BOD1L1: variants seen among roughly 807,000 people sequenced by gnomAD.
The protein encoded by BOD1L1 is biorientation of chromosomes in cell division protein 1-like 1.
A neutral mutation model predicts 240.7 loss-of-function variants in BOD1L1; 86 were observed. The observed-to-expected ratio is 0.36, with a 90% CI of 0.30 to 0.43. BOD1L1 has a LOEUF of 0.43. Ranked by LOEUF, BOD1L1 falls within the 20% of genes least tolerant of loss-of-function variation. BOD1L1 has a pLI of 1.00. For missense variants in BOD1L1, 3,554 were observed against 3,643.5 expected (o/e 0.98, Z 0.63); for synonymous variants, 1,268 against 1,272.3 (o/e 1.00, Z 0.07).
intron 22 of BOD1L1, among the ~76,000 whole-genome samples, chr4:13,578,927 G>T (rs1322575618): frequency 6.6e-6 from 1 of 152,132 alleles, no homozygotes; most frequent in African/African-American, 2.4e-5. Flanking sequence ...TTATGCATTT[G>T]CTTTCTGCAG....
chr4:13,572,206 C>G (rs1369921601), intron 25 of BOD1L1, among the ~76,000 whole-genome samples: 1 of 152,124 alleles, frequency 6.6e-6, no homozygotes, highest in Admixed American at 6.5e-5. Flanking sequence ...ATCTGACTTA[C>G]TAGGGGTGCT....
At chr4:13,580,940 C>T (rs546072093) in intron 21 of BOD1L1, 80 bp downstream of exon 21, 3 of 1,323,560 alleles carry the variant, frequency 2.3e-6, no homozygotes, top group Admixed American at 2.8e-5. Context: ...AAATAAAGTT[C>T]AAAATACTAG....
chr4:13,594,747 T>C (rs1714487634), intron 12 of BOD1L1, among the ~76,000 whole-genome samples: 1 of 151,950 alleles, frequency 6.6e-6, no homozygotes, highest in Non-Finnish European at 1.5e-5. Flanking sequence ...ATACAAAAAT[T>C]AGCTGGGCAT....
rs576230060 is a variant in BOD1L1, at chr4:13,573,262, A to C, written c.9039-3134T>G. Among the ~76,000 whole-genome samples the C allele has an allele frequency of 3.3e-5, 5 of 152,252 alleles. No homozygotes were observed. The South Asian group carries it at 1.0e-3, about 32-fold the overall frequency. On this transcript the variant is annotated intron_variant, in intron 25 of 25. Transcript: ENST00000040738. ...GATAAGGAATTCTGATTCCAGTAAA[A>C]ACTCTGAAAAAGGAACTTGTTTAGC...
At position 13,621,934 on chromosome 4, in the gene BOD1L1, G is replaced by A. The variant is rs973383273; in HGVS notation, c.244-1867C>T. 2.1e-5 allele frequency among the ~76,000 whole-genome samples: 3 copies of A among 144,224 alleles called. No individual in the cohort carries two copies. The Admixed American group carries it at 2.1e-4, about 10-fold the overall frequency. 94.6% of individuals were successfully genotyped at this position (144,224 alleles called of 152,430 possible). The stretch of plus-strand genomic sequence containing the variant: ...TGCTAGAGTACAGTGGTGTGATCTC[G>A]GCTCACTGGAACCTCCACCTGCCGG... On this transcript the variant is annotated intron_variant, in intron 1 of 25. Coordinates refer to ENST00000040738, the MANE Select transcript of BOD1L1 (RefSeq NM_148894.3).
chr4:13,623,001 T>C (rs1337232384), intron 1 of BOD1L1, among the ~76,000 whole-genome samples: 2 of 152,168 alleles, frequency 1.3e-5, no homozygotes, highest in Non-Finnish European at 2.9e-5. Flanking sequence ...CTTGCTATGC[T>C]CTCTTCTTGG....
intron 14 of BOD1L1, among the ~76,000 whole-genome samples, chr4:13,589,224 G>A (rs1480797871): frequency 2.6e-5 from 4 of 152,124 alleles, no homozygotes; most frequent in Admixed American, 1.3e-4. Flanking sequence ...AGTGACAACT[G>A]GTACACCACT....
Position 13,600,138 on chromosome 4 carries a change from G to A in BOD1L1, c.6762C>T (p.Gly2254=), listed in dbSNP as rs1053629741. The A allele has an allele frequency of 1.9e-6, 3 of 1,613,940 alleles. No individual in the cohort carries two copies. The highest frequency in any genetic ancestry group is 1.7e-5 in the Admixed American group (1 of 60,024). ...GTVMEEKDGS[G]IISTSSVEDC... Reference sequence around the variant, plus strand: ...CTTCCACCGAGCTCGTAGAGATGATGCCACTCCCGTCTTTTTCTTCCATGA... The same window carrying A: ...CTTCCACCGAGCTCGTAGAGATGATACCACTCCCGTCTTTTTCTTCCATGA... Residue 2254 remains glycine (G), a synonymous_variant, in exon 10 of 26, where the codon GGC becomes GGT. Transcript: ENST00000040738.
chr4:13,627,600 CG>C lies in BOD1L1; in HGVS notation c.-14del. Reference sequence around the variant, plus strand: ...GGTTGGTGGCCATGGTGGCCTGTGCCGGGGAGGGCAAGGGCCCTGACCGGCG... The same window carrying C: ...GGTTGGTGGCCATGGTGGCCTGTGCCGGGAGGGCAAGGGCCCTGACCGGCG... On this transcript the variant is annotated 5_prime_UTR_variant, in exon 1 of 26. Coordinates refer to ENST00000040738, the MANE Select transcript of BOD1L1 (RefSeq NM_148894.3). 8.7e-7 allele frequency: 1 copy of C among 1,148,804 alleles called. No individual in the cohort carries two copies. The highest frequency in any genetic ancestry group is 1.1e-6 in the Non-Finnish European group (1 of 933,940). 71.2% of individuals were successfully genotyped at this position (1,148,804 alleles called of 1,614,324 possible).
intron 2 of BOD1L1, 136 bp from the exon 3 acceptor site, chr4:13,615,638 G>A: frequency 1.2e-6 from 1 of 818,368 alleles, no homozygotes; most frequent in Non-Finnish European, 1.8e-6. Context: ...CCATTTACTT[G>A]GATATAGACA....
intron 13 of BOD1L1, among the ~76,000 whole-genome samples, chr4:13,591,077 A>AT (rs971906403): frequency 2.9e-4 from 44 of 150,812 alleles, no homozygotes; most frequent in Admixed American, 7.9e-4. Context: ...TAAAAAAAAA[A>AT]TTTTTTTTTT....
chr4:13,611,856 A>G (rs1305945586), intron 5 of BOD1L1, among the ~76,000 whole-genome samples: 2 of 152,204 alleles, frequency 1.3e-5, no homozygotes, highest in African/African-American at 4.8e-5. Flanking sequence ...GGAATTAATA[A>G]CTGGAAGGTA....
At chr4:13,591,988 A>T in intron 12 of BOD1L1, 22 bp from the exon 13 acceptor site, 3 of 1,517,038 alleles carry the variant, frequency 2.0e-6, no homozygotes, top group South Asian at 2.5e-5. Flanking sequence ...TAAAAATGAG[A>T]TGTAAAGAAA....
At chr4:13,597,703 T>G (rs1289045240) in intron 10 of BOD1L1, among the ~76,000 whole-genome samples, 1 of 152,234 alleles carries the variant, frequency 6.6e-6, no homozygotes, top group African/African-American at 2.4e-5. Flanking sequence ...TAGAAGCTTC[T>G]GTGGAAACCC....
intron 22 of BOD1L1, among the ~76,000 whole-genome samples, chr4:13,578,798 T>A (rs1246313569): frequency 3.9e-5 from 6 of 152,206 alleles, no homozygotes; most frequent in Admixed American, 2.6e-4. Flanking sequence ...GAGTAATCTG[T>A]TTAGAGTCAC....
At chr4:13,597,194 C>A (rs768558210) in intron 10 of BOD1L1, 26 bp from the exon 11 acceptor site, 6 of 1,565,852 alleles carry the variant, frequency 3.8e-6, no homozygotes, top group Non-Finnish European at 5.2e-6. Context: ...CCATTTAGTA[C>A]AGTTTAAGAA....
At position 13,598,910 on chromosome 4, in the gene BOD1L1, A is replaced by T. The variant is rs1197144181; in HGVS notation, c.7954+36T>A. The T allele has an allele frequency of 3.9e-6, 6 of 1,550,900 alleles. No individual in the cohort carries two copies. In the South Asian group the frequency reaches 7.5e-5, roughly 19 times the overall value. On this transcript the variant is annotated intron_variant, in intron 10 of 25. Coordinates refer to ENST00000040738, the MANE Select transcript of BOD1L1 (RefSeq NM_148894.3). The stretch of plus-strand genomic sequence containing the variant: ...CACTCTGTTGTACAATCATCCTTGT[A>T]AATATTAAAATTTGCAATTAGGTAC...
intron 16 of BOD1L1, among the ~76,000 whole-genome samples, chr4:13,586,755 A>G (rs1418120994): frequency 6.6e-6 from 1 of 152,246 alleles, no homozygotes; most frequent in Non-Finnish European, 1.5e-5. Context: ...TATAGTTTCC[A>G]GAGATACTTT....
At chr4:13,627,034 G>T (rs1717447397) in intron 1 of BOD1L1, among the ~76,000 whole-genome samples, 1 of 152,218 alleles carries the variant, frequency 6.6e-6, no homozygotes, top group Admixed American at 6.5e-5. Flanking sequence ...AAAATCATCA[G>T]ATATGAGAAT....
Sources: gnomAD v4.1 joint callset for allele counts (sites outside exome capture counted in the v4.1 genomes callset) on GRCh38, gnomAD v4.1.1 for gene constraint, MANE v1.5 for transcripts, NCBI Gene and HGNC (gene_info 2026-07-23, HGNC 2026-07-21) for gene names.